ROBO2: variants seen among roughly 807,000 people sequenced by gnomAD.
ROBO2 encodes roundabout guidance receptor 2.
Under a neutral mutation model 160.8 loss-of-function variants are expected in ROBO2, and 53 were observed. The observed-to-expected ratio is 0.33, with a 90% CI of 0.26 to 0.41. The LOEUF is 0.41. Among genes scored for constraint, ROBO2 ranks in the 10% least tolerant of loss-of-function variants. The probability of loss-of-function intolerance (pLI) is 1.00; values close to 1 mark genes in which losing one functional copy is unlikely to be tolerated. For synonymous variants in ROBO2, 664 were observed against 611.7 expected (o/e 1.09, Z -1.26); for missense variants, 1,577 against 1,722.4 (o/e 0.92, Z 1.49).
At chr3:77,120,839 T>C (rs1483299635) in intron 2 of ROBO2, among the ~76,000 whole-genome samples, 2 of 152,210 alleles carry the variant, frequency 1.3e-5, no homozygotes, top group Non-Finnish European at 2.9e-5. Context: ...TTGATTTACA[T>C]GTAGCCAGCT....
chr3:77,287,985 A>T (rs2060727748), intron 2 of ROBO2, among the ~76,000 whole-genome samples: 1 of 152,142 alleles, frequency 6.6e-6, no homozygotes, highest in South Asian at 2.1e-4. Context: ...TCATTGAATC[A>T]CCCTAGATTT....
chr3:76,830,614 A>G (rs894032080), intron 2 of ROBO2, among the ~76,000 whole-genome samples: 2 of 151,992 alleles, frequency 1.3e-5, no homozygotes, highest in Non-Finnish European at 2.9e-5. Flanking sequence ...TCTCTCCTCT[A>G]TGACTTTCCA....
chr3:76,726,145 T>C (rs267121), intron 2 of ROBO2, among the ~76,000 whole-genome samples: 85,507 of 151,814 alleles, frequency 0.56, 25,255 homozygotes, highest in Non-Finnish European at 0.66. Context: ...ACTCACTTCT[T>C]TTTGCTTTTT....
chr3:77,638,577 A>G (rs1427012505), intron 24 of ROBO2, among the ~76,000 whole-genome samples: 1 of 152,158 alleles, frequency 6.6e-6, no homozygotes, highest in Non-Finnish European at 1.5e-5. Context: ...GGGAAATGTC[A>G]GTCTGTATCC....
chr3:77,230,202 T>C (rs2151278358), intron 2 of ROBO2, among the ~76,000 whole-genome samples: 1 of 152,062 alleles, frequency 6.6e-6, no homozygotes, highest in African/African-American at 2.4e-5. Flanking sequence ...ATCCTCCCAC[T>C]TCAGCCTCCT....
intron 2 of ROBO2, among the ~76,000 whole-genome samples, chr3:76,894,262 A>G (rs1257114091): frequency 6.6e-6 from 1 of 152,126 alleles, no homozygotes; most frequent in East Asian, 1.9e-4. Context: ...TTGGTGTTTT[A>G]AAATGTTGTC....
intron 2 of ROBO2, among the ~76,000 whole-genome samples, chr3:76,046,919 A>C (rs1364439263): frequency 6.6e-6 from 1 of 152,198 alleles, no homozygotes; most frequent in East Asian, 1.9e-4. Context: ...ATGATTCGTC[A>C]AAGTATCCAT....
chr3:76,485,411 T>A (rs1345362843), intron 2 of ROBO2, among the ~76,000 whole-genome samples: 1 of 152,060 alleles, frequency 6.6e-6, no homozygotes, highest in African/African-American at 2.4e-5. Context: ...ATGTGACCAA[T>A]GGGGAGAGGC....
intron 2 of ROBO2, among the ~76,000 whole-genome samples, chr3:76,567,259 ATATT>A (rs756684518): frequency 6.6e-6 from 1 of 152,088 alleles, no homozygotes; most frequent in Non-Finnish European, 1.5e-5. Context: ...TCAGGAGAAA[ATATT>A]TATTCAGCAT....
At chr3:76,604,790 T>G (rs1014717481) in intron 2 of ROBO2, among the ~76,000 whole-genome samples, 1 of 152,130 alleles carries the variant, frequency 6.6e-6, no homozygotes, top group Admixed American at 6.5e-5. Flanking sequence ...AGTACAGCAA[T>G]GTATAGTTAG....
Position 75,975,186 on chromosome 3 carries a change from T to C in ROBO2, c.109+37584T>C, listed in dbSNP as rs147395593. 3.0e-3 allele frequency among the ~76,000 whole-genome samples: 455 copies of C among 151,604 alleles called. 1 individual carries two copies. Among genetic ancestry groups the C allele is most frequent in the Non-Finnish European group, 5.3e-3 (358 of 67,638 alleles). On this transcript the variant is annotated intron_variant, in intron 2 of 26. Transcript: ENST00000487694. The stretch of plus-strand genomic sequence containing the variant: ...TAGCATAGATTGGTTTATTTTGTAA[T>C]TGGGTACAATACATGAATATTGGCA...
chr3:76,504,466 A>AAATTTCTGGTT (rs1320656924), intron 2 of ROBO2, among the ~76,000 whole-genome samples: 1 of 152,118 alleles, frequency 6.6e-6, no homozygotes, highest in Non-Finnish European at 1.5e-5. Context: ...TAATTTAACA[A>AAATTTCTGGTT]AATTTCTGGT....
chr3:76,963,728 A>G (rs2079839307), intron 2 of ROBO2, among the ~76,000 whole-genome samples: 1 of 151,992 alleles, frequency 6.6e-6, no homozygotes, highest in African/African-American at 2.4e-5. Flanking sequence ...AGGAAAGCTT[A>G]TAAATCAAAA....
chr3:76,164,201 C>T (rs984333406), intron 2 of ROBO2, among the ~76,000 whole-genome samples: 16 of 152,170 alleles, frequency 1.1e-4, no homozygotes, highest in African/African-American at 3.6e-4. Flanking sequence ...TGCAGCAATT[C>T]AGTCACATCT....
chr3:76,998,085 C>A (rs2061126137), intron 2 of ROBO2, among the ~76,000 whole-genome samples: 7 of 152,078 alleles, frequency 4.6e-5, no homozygotes, highest in Non-Finnish European at 1.5e-5. Context: ...GCTCAGAATC[C>A]AGGGTGGAGA....
chr3:76,726,593 C>T (rs555799228), intron 2 of ROBO2, among the ~76,000 whole-genome samples: 6 of 152,056 alleles, frequency 3.9e-5, no homozygotes, highest in Non-Finnish European at 8.8e-5. Context: ...TGTAAGGTCC[C>T]AAGTGTGGTT....
intron 2 of ROBO2, among the ~76,000 whole-genome samples, chr3:76,067,208 C>A (rs2068283473): frequency 6.6e-6 from 1 of 152,136 alleles, no homozygotes; most frequent in Admixed American, 6.6e-5. Flanking sequence ...TTCTAAGCCC[C>A]AGTTCCCTTC....
intron 2 of ROBO2, among the ~76,000 whole-genome samples, chr3:76,757,775 C>T (rs1486308930): frequency 1.3e-5 from 2 of 151,470 alleles, no homozygotes; most frequent in South Asian, 2.1e-4. Flanking sequence ...AGAGATTGAA[C>T]CTTCTAAACC....
At chr3:77,163,267 A>G (rs1204619632) in intron 2 of ROBO2, among the ~76,000 whole-genome samples, 1 of 152,236 alleles carries the variant, frequency 6.6e-6, no homozygotes, top group Non-Finnish European at 1.5e-5. Flanking sequence ...TAGTTAAAGG[A>G]TTCCTCTTGC....
Sources: gnomAD v4.1 joint callset for allele counts (sites outside exome capture counted in the v4.1 genomes callset) on GRCh38, gnomAD v4.1.1 for gene constraint, MANE v1.5 for transcripts, NCBI Gene and HGNC (gene_info 2026-07-23, HGNC 2026-07-21) for gene names.